Variants in FXYD6 observed in about 807,000 individuals in gnomAD.
FXYD6 encodes FXYD domain-containing ion transport regulator 6.
In FXYD6, 7 loss-of-function variants were observed where a neutral mutation model predicts 16.7. That is an observed-to-expected ratio of 0.42 (90% CI 0.24 to 0.79). The LOEUF is 0.79. Among genes scored for constraint, FXYD6 ranks in the 30% least tolerant of loss-of-function variants. The pLI is 0.28. For synonymous variants in FXYD6, 49 were observed against 43.0 expected, an observed-to-expected ratio of 1.14 and a Z score of -0.54; for missense variants, 111 against 116.2, an observed-to-expected ratio of 0.95 and a Z score of 0.21.
rs1162578654 is a variant in FXYD6, at chr11:117,839,770, G to A, written c.*21+11C>T. ...GGCAACAGGGGCCAATCCAGGCACT[G>A]AGCATCTCACCTTCCACCTGATGGC... On this transcript the variant is annotated intron_variant, in intron 7 of 7. Coordinates refer to ENST00000526014, the MANE Select transcript of FXYD6 (RefSeq NM_022003.4). The A allele has an allele frequency of 6.2e-7, 1 of 1,614,192 alleles. No homozygotes were observed. Among genetic ancestry groups the A allele is most frequent in the Non-Finnish European group, 8.5e-7 (1 of 1,180,030 alleles).
intron 1 of FXYD6, among the ~76,000 whole-genome samples, chr11:117,861,901 C>T (rs2056914847): frequency 6.6e-6 from 1 of 152,234 alleles, no homozygotes; most frequent in Non-Finnish European, 1.5e-5. Context: ...GACAAACATC[C>T]TATGTCATCC....
At chr11:117,848,010 T>A (rs2056513007) in intron 1 of FXYD6, among the ~76,000 whole-genome samples, 1 of 152,206 alleles carries the variant, frequency 6.6e-6, no homozygotes, top group Non-Finnish European at 1.5e-5. Flanking sequence ...TTTCTCCATA[T>A]CCTCTCCAGC....
At chr11:117,868,723 A>G (rs1408109533) in intron 1 of FXYD6, among the ~76,000 whole-genome samples, 1 of 152,258 alleles carries the variant, frequency 6.6e-6, no homozygotes, top group African/African-American at 2.4e-5. Context: ...TAAGATCGTA[A>G]TAATAGCAGA....
intron 1 of FXYD6, among the ~76,000 whole-genome samples, chr11:117,859,595 C>A (rs550641501): frequency 3.5e-4 from 53 of 152,100 alleles, no homozygotes; most frequent in African/African-American, 1.2e-3. Context: ...AAACATAACC[C>A]GATGCTAACA....
intron 1 of FXYD6, among the ~76,000 whole-genome samples, chr11:117,862,888 G>A (rs948571994): frequency 6.6e-6 from 1 of 152,168 alleles, no homozygotes; most frequent in Non-Finnish European, 1.5e-5. Context: ...AGAGAAAGGG[G>A]AGCTGCTGTG....
intron 1 of FXYD6, among the ~76,000 whole-genome samples, chr11:117,851,253 G>T (rs2056604822): frequency 1.3e-5 from 2 of 151,364 alleles, no homozygotes; most frequent in Admixed American, 1.3e-4. Flanking sequence ...TCGATATGAG[G>T]TTATAAAAAG....
intron 1 of FXYD6, among the ~76,000 whole-genome samples, chr11:117,866,568 A>T (rs1401255360): frequency 6.6e-6 from 1 of 152,158 alleles, no homozygotes; most frequent in East Asian, 1.9e-4. Flanking sequence ...GCCTGTTAAT[A>T]GGAGAGGTTG....
At chr11:117,876,456 C>G (rs1437687104) in intron 1 of FXYD6, 136 bp downstream of exon 1, 3 of 152,642 alleles carry the variant, frequency 2.0e-5, no homozygotes, top group African/African-American at 7.2e-5. Flanking sequence ...CGCGGCGCAG[C>G]TGACCGCGGA....
chr11:117,852,799 C>T (rs114049652), intron 1 of FXYD6, among the ~76,000 whole-genome samples: 150 of 152,356 alleles, frequency 9.8e-4, no homozygotes, highest in African/African-American at 3.6e-3. Context: ...TATCGCTTAA[C>T]TGCTCTTTCA....
At position 117,842,777 on chromosome 11, in the gene FXYD6, G is replaced by A. The variant is rs1274190251; in HGVS notation, c.-1C>T. On this transcript the variant is annotated 5_prime_UTR_variant, in exon 2 of 8. Coordinates refer to ENST00000526014, the MANE Select transcript of FXYD6 (RefSeq NM_022003.4). ...AGAGGAAGACCAGCACCAACTCCAT[G>A]GCGTCTGGGGACAGAGGGAGGAAAA... 1.9e-6 allele frequency: 3 copies of A among 1,563,324 alleles called. No homozygotes were observed. In the South Asian group the frequency reaches 3.5e-5, roughly 18 times the overall value.
At position 117,858,716 on chromosome 11, in the gene FXYD6, C is replaced by T. The variant is rs60746956; in HGVS notation, c.-5-15935G>A. Among the ~76,000 whole-genome samples, 158 of 90,664 alleles carry T rather than the reference C, an allele frequency of 1.7e-3. 4 individuals are homozygous for T. Among genetic ancestry groups the T allele is most frequent in the Admixed American group, 4.0e-3 (30 of 7,578 alleles). The allele number at this position is 90,664 out of a possible 152,430, so 59.5% of individuals were successfully genotyped here. On this transcript the variant is annotated intron_variant, in intron 1 of 7. Coordinates refer to ENST00000526014, the MANE Select transcript of FXYD6 (RefSeq NM_022003.4). ...CTTTCTTTCTTTCTCTCTCTCTCTC[C>T]TTCCTTCCCTTCCTTCCTTCCTTCC... is the stretch of plus-strand genomic sequence containing the variant.
chr11:117,853,083 A>G (rs1475107804), intron 1 of FXYD6, among the ~76,000 whole-genome samples: 1 of 152,184 alleles, frequency 6.6e-6, no homozygotes, highest in East Asian at 1.9e-4. Context: ...TCTGTATCTG[A>G]TAATTCCAAA....
intron 1 of FXYD6, among the ~76,000 whole-genome samples, chr11:117,862,362 C>T (rs1012535688): frequency 6.6e-6 from 1 of 152,226 alleles, no homozygotes; most frequent in African/African-American, 2.4e-5. Context: ...GTGCCTCCAC[C>T]ATGCCCTGCG....
At position 117,842,056 on chromosome 11, in the gene FXYD6, A is replaced by G. The variant is rs371336819; in HGVS notation, c.59-28T>C. ...GCAAAAACAAACAGTTGGTCAAGAG[A>G]AAGAAAGCTACACAAACTGGTTCCC... On this transcript the variant is annotated intron_variant, in intron 2 of 7. Transcript: ENST00000526014. 1.7e-5 allele frequency: 27 copies of G among 1,613,996 alleles called. No individual in the cohort carries two copies. The African/African-American group carries it at 3.3e-4, about 20-fold the overall frequency.
chr11:117,863,258 T>C (rs1186344649), intron 1 of FXYD6, among the ~76,000 whole-genome samples: 2 of 152,138 alleles, frequency 1.3e-5, no homozygotes, highest in African/African-American at 4.8e-5. Flanking sequence ...GAAATAAAAT[T>C]GGAGGCCCCA....
chr11:117,871,371 C>T (rs1270878529), intron 1 of FXYD6, among the ~76,000 whole-genome samples: 1 of 151,838 alleles, frequency 6.6e-6, no homozygotes, highest in African/African-American at 2.4e-5. Context: ...ACACGCTGTT[C>T]ACTGGGCTTT....
intron 1 of FXYD6, among the ~76,000 whole-genome samples, chr11:117,846,311 A>T (rs1417229989): frequency 6.6e-6 from 1 of 152,210 alleles, no homozygotes; most frequent in Non-Finnish European, 1.5e-5. Context: ...TCTGAATACT[A>T]AACCTTTGTC....
chr11:117,861,819 G>A (rs1346107095), intron 1 of FXYD6, among the ~76,000 whole-genome samples: 6 of 152,222 alleles, frequency 3.9e-5, no homozygotes, highest in Non-Finnish European at 7.3e-5. Flanking sequence ...GTCCTCGTGA[G>A]GTCACAGGAT....
intron 1 of FXYD6, chr11:117,843,632 C>A (rs1007475618): frequency 3.3e-5 from 5 of 152,196 alleles, no homozygotes; most frequent in African/African-American, 1.2e-4. Flanking sequence ...CGCTGACAGC[C>A]CTCCTTCAGG....
Sources: allele counts gnomAD v4.1 joint callset (sites outside exome capture counted in the v4.1 genomes callset), GRCh38; gene constraint gnomAD v4.1.1; transcripts MANE v1.5; gene names NCBI Gene and HGNC (gene_info 2026-07-23, HGNC 2026-07-21).